TADA2A: variants seen among roughly 807,000 people sequenced by gnomAD.
TADA2A encodes transcriptional adaptor 2A.
TADA2A carries 38 observed loss-of-function variants against 67.4 expected under a neutral mutation model. The observed-to-expected ratio is 0.56, with a 90% CI of 0.44 to 0.74. TADA2A has a LOEUF of 0.74. TADA2A is among the 30% of genes least tolerant of loss of function. TADA2A has a pLI of 0.00. For synonymous variants in TADA2A, 192 were observed against 181.6 expected, an observed-to-expected ratio of 1.06 and a Z score of -0.46; for missense variants, 454 against 547.0, an observed-to-expected ratio of 0.83 and a Z score of 1.70.
intron 9 of TADA2A, among the ~76,000 whole-genome samples, chr17:37,460,535 G>A (rs1206643382): frequency 1.3e-5 from 2 of 152,134 alleles, no homozygotes; most frequent in Non-Finnish European, 2.9e-5. Context: ...ATGAGCCACT[G>A]CCCCCAGCCC....
intron 15 of TADA2A, among the ~76,000 whole-genome samples, chr17:37,476,360 A>G (rs1192814171): frequency 1.3e-5 from 2 of 152,180 alleles, no homozygotes; most frequent in Non-Finnish European, 2.9e-5. Flanking sequence ...CTTTATGCTG[A>G]CACTAAAAAC....
chr17:37,477,011 G>C lies in TADA2A; in HGVS notation c.*29G>C, dbSNP rs1457464254. Reference sequence around the variant, plus strand: ...TCCAAGAGCTTGGGATCAGAAGTCAGAAGTTTGGAATGTGGTGGGTCAAAG... The same window carrying C: ...TCCAAGAGCTTGGGATCAGAAGTCACAAGTTTGGAATGTGGTGGGTCAAAG... On this transcript the variant is annotated 3_prime_UTR_variant, in exon 16 of 16. Transcript: ENST00000615182. 2 of 1,581,818 alleles carry C rather than the reference G, an allele frequency of 1.3e-6. No homozygotes were observed. The highest frequency in any genetic ancestry group is 1.7e-6 in the Non-Finnish European group (2 of 1,159,636).
chr17:37,444,656 G>A (rs201829969), intron 7 of TADA2A, 40 bp from the exon 8 acceptor site: 345 of 1,553,964 alleles, frequency 2.2e-4, no homozygotes, highest in Non-Finnish European at 2.8e-4. Context: ...AATCAAAGCC[G>A]ATGGGTTTGG....
intron 12 of TADA2A, among the ~76,000 whole-genome samples, chr17:37,467,863 C>G (rs2053699344): frequency 6.6e-6 from 1 of 152,154 alleles, no homozygotes; most frequent in Admixed American, 6.5e-5. Flanking sequence ...AGGTGGGTCA[C>G]TTCAGTCCAG....
intron 8 of TADA2A, among the ~76,000 whole-genome samples, chr17:37,447,446 C>T (rs1464252739): frequency 2.0e-5 from 3 of 152,200 alleles, no homozygotes; most frequent in Middle Eastern, 3.4e-3. Flanking sequence ...TTAGCCACCG[C>T]GTCCGGCCCT....
chr17:37,460,392 C>T (rs1216895568), intron 9 of TADA2A, among the ~76,000 whole-genome samples: 5 of 151,882 alleles, frequency 3.3e-5, no homozygotes, highest in Non-Finnish European at 7.4e-5. Context: ...ACTACAGGCA[C>T]GTGCCATCAT....
At chr17:37,432,295 G>A (rs1453563522) in intron 4 of TADA2A, among the ~76,000 whole-genome samples, 2 of 152,088 alleles carry the variant, frequency 1.3e-5, no homozygotes, top group Non-Finnish European at 2.9e-5. Flanking sequence ...CTCCCAGGTA[G>A]CTGGGATTAT....
At chr17:37,430,990 T>C (rs2052550727) in intron 4 of TADA2A, among the ~76,000 whole-genome samples, 1 of 152,174 alleles carries the variant, frequency 6.6e-6, no homozygotes, top group South Asian at 2.1e-4. Flanking sequence ...GATATATTCG[T>C]AGTACGTGCT....
chr17:37,468,384 A>G (rs957876867), intron 12 of TADA2A, among the ~76,000 whole-genome samples: 1 of 152,214 alleles, frequency 6.6e-6, no homozygotes, highest in African/African-American at 2.4e-5. Context: ...GAGGTTACAG[A>G]GCTAGTTAGT....
At chr17:37,453,042 A>AT (rs2053276298) in intron 8 of TADA2A, among the ~76,000 whole-genome samples, 1 of 152,228 alleles carries the variant, frequency 6.6e-6, no homozygotes, top group African/African-American at 2.4e-5. Flanking sequence ...AATGACCTGG[A>AT]TAAAGTACTC....
At chr17:37,426,801 T>C in intron 3 of TADA2A, 149 bp from the exon 4 acceptor site, 1 of 615,174 alleles carries the variant, frequency 1.6e-6, no homozygotes. Flanking sequence ...GCTATGATGG[T>C]GCCACTGCAC....
chr17:37,424,832 A>AG (rs931221374), intron 3 of TADA2A, among the ~76,000 whole-genome samples: 43 of 152,090 alleles, frequency 2.8e-4, no homozygotes, highest in South Asian at 2.7e-3. Flanking sequence ...CTGGGATTAC[A>AG]GGGCGTGAGC....
chr17:37,440,104 C>T (rs1467731904), intron 5 of TADA2A, among the ~76,000 whole-genome samples: 5 of 151,788 alleles, frequency 3.3e-5, no homozygotes, highest in Admixed American at 3.3e-4. Flanking sequence ...TGCACCACCA[C>T]GCCTGGCTAA....
intron 10 of TADA2A, among the ~76,000 whole-genome samples, chr17:37,462,533 G>A (rs536524466): frequency 5.8e-4 from 89 of 152,292 alleles, no homozygotes; most frequent in African/African-American, 2.1e-3. Context: ...TCAGGAGGCT[G>A]AGGCAGGAGA....
chr17:37,467,893 C>A (rs887654145), intron 12 of TADA2A, among the ~76,000 whole-genome samples: 1 of 151,972 alleles, frequency 6.6e-6, no homozygotes, highest in African/African-American at 2.4e-5. Flanking sequence ...ACCAGCCTGA[C>A]CAACATGGTG....
chr17:37,422,400 C>T (rs1162742111), intron 2 of TADA2A, among the ~76,000 whole-genome samples: 1 of 151,296 alleles, frequency 6.6e-6, no homozygotes, highest in Non-Finnish European at 1.5e-5. Context: ...AGGCTGGTCT[C>T]AAACTCCTAA....
chr17:37,449,619 ATTTTT>A (rs11337212), intron 8 of TADA2A, among the ~76,000 whole-genome samples: 1 of 136,726 alleles, frequency 7.3e-6, no homozygotes, highest in African/African-American at 2.7e-5. Context: ...TACAATCTTG[ATTTTT>A]TTTTTTTTTT....
chr17:37,458,592 G>C lies in TADA2A; in HGVS notation c.668+5G>C. 1 of 1,611,148 alleles carries C rather than the reference G, an allele frequency of 6.2e-7. No homozygotes were observed. The highest frequency in any genetic ancestry group is 1.1e-5 in the South Asian group (1 of 90,980). ...GGAGAGACAAAGACGAAAAAAGTAA[G>C]TATAAAAAACCATCCTGGCCTCCTT... On this transcript the variant is annotated splice_donor_5th_base_variant and intron_variant, in intron 9 of 15. Transcript: ENST00000615182.
At position 37,470,668 on chromosome 17, in the gene TADA2A, A is replaced by G. The variant is rs979825923; in HGVS notation, c.1028+136A>G. 7.9e-6 allele frequency: 8 copies of G among 1,009,534 alleles called. No individual in the cohort carries two copies. In the African/African-American group the frequency reaches 9.9e-5, roughly 13 times the overall value. The allele number at this position is 1,009,534 out of a possible 1,614,324, so 62.5% of individuals were successfully genotyped here. A position where few individuals can be genotyped will look rare whatever the true frequency, so the allele number is the denominator to read the frequency against. On this transcript the variant is annotated intron_variant, in intron 13 of 15. Transcript: ENST00000615182. Reference sequence around the variant, plus strand: ...GAATTCAGAAATATTTTAGCAGTCCATCTCAGAAACAGTGCCATACTGACA... The same window carrying G: ...GAATTCAGAAATATTTTAGCAGTCCGTCTCAGAAACAGTGCCATACTGACA...
Sources: allele counts gnomAD v4.1 joint callset (sites outside exome capture counted in the v4.1 genomes callset), GRCh38; gene constraint gnomAD v4.1.1; transcripts MANE v1.5; gene names NCBI Gene and HGNC (gene_info 2026-07-23, HGNC 2026-07-21).